The following KIF4A variants were observed in gnomAD, a reference collection of about 807,000 sequenced individuals.
KIF4A encodes chromosome-associated kinesin KIF4A.
A neutral mutation model predicts 105.9 loss-of-function variants in KIF4A; 7 were observed. The observed-to-expected ratio is 0.07, with a 90% CI of 0.04 to 0.12. The LOEUF (loss-of-function observed/expected upper bound fraction) is 0.12. Ranked by LOEUF, KIF4A falls within the 10% of genes least tolerant of loss-of-function variation. The pLI, the probability that KIF4A is intolerant of heterozygous loss-of-function variation, is 1.00. For synonymous variants in KIF4A, 281 were observed against 331.3 expected, an observed-to-expected ratio of 0.85 and a Z score of 1.65; for missense variants, 558 against 929.2, an observed-to-expected ratio of 0.60 and a Z score of 5.19.
At position 70,420,446 on chromosome X, in the gene KIF4A, A is replaced by T; in HGVS notation, c.*181A>T. The T allele has an allele frequency of 1.7e-6, 1 of 601,862 alleles. No homozygotes were observed. Among genetic ancestry groups the T allele is most frequent in the Non-Finnish European group, 2.5e-6 (1 of 397,080 alleles). 49.6% of individuals were successfully genotyped at this position (601,862 alleles called of 1,213,427 possible). A position where few individuals can be genotyped will look rare whatever the true frequency, so the allele number is the denominator to read the frequency against. On this transcript the variant is annotated 3_prime_UTR_variant, in exon 31 of 31. Transcript: ENST00000374403. The stretch of plus-strand genomic sequence containing the variant: ...TGTGGGCCTTAGCCTCCAGGTCCAG[A>T]CTACTACTCTATGTTCTCCAGAAGG...
intron 16 of KIF4A, among the ~76,000 whole-genome samples, chrX:70,374,511 C>G (rs2086167331): frequency 9.0e-6 from 1 of 111,699 alleles, no homozygotes; most frequent in Admixed American, 9.6e-5. Context: ...GTTAAGAGTT[C>G]AGAGGCGAGG....
chrX:70,406,148 C>A (rs1245698544), intron 26 of KIF4A, 111 bp from the exon 27 acceptor site: 11 of 613,206 alleles, frequency 1.8e-5, no homozygotes, highest in Non-Finnish European at 2.6e-5. Context: ...AATCCTGCAT[C>A]ACTTTACTAT....
intron 15 of KIF4A, among the ~76,000 whole-genome samples, chrX:70,363,565 G>A (rs1316496066): frequency 1.8e-5 from 2 of 111,359 alleles, no homozygotes; most frequent in Non-Finnish European, 3.8e-5. Context: ...CCCTACAAAG[G>A]ACATGAACTC....
chrX:70,361,539 A>G, intron 15 of KIF4A: 1 of 165,645 alleles, frequency 6.0e-6, no homozygotes, highest in Middle Eastern at 7.0e-4. Context: ...TGCAGCTTCC[A>G]GAACATCCTG....
chrX:70,322,654 A>G (rs1205240264), intron 7 of KIF4A, among the ~76,000 whole-genome samples: 1 of 107,241 alleles, frequency 9.3e-6, no homozygotes, highest in Non-Finnish European at 1.9e-5. Flanking sequence ...GCAGTGAATA[A>G]TATCAATATC....
chrX:70,300,851 G>A (rs1353155517), intron 5 of KIF4A, among the ~76,000 whole-genome samples: 2 of 111,863 alleles, frequency 1.8e-5, no homozygotes, highest in Non-Finnish European at 3.8e-5. Flanking sequence ...TTGTATCTTC[G>A]TTATCTAGCA....
chrX:70,340,630 A>G (rs190161924), intron 10 of KIF4A, among the ~76,000 whole-genome samples: 3 of 111,827 alleles, frequency 2.7e-5, no homozygotes, highest in Non-Finnish European at 5.7e-5. Context: ...AGTCTTAGTA[A>G]ATGCTCAACA....
chrX:70,297,227 G>A, intron 4 of KIF4A, 39 bp downstream of exon 4: 2 of 1,103,948 alleles, frequency 1.8e-6, no homozygotes, highest in South Asian at 4.1e-5. Context: ...ATTCGAAATT[G>A]TCTTTGGGTC....
chrX:70,325,833 A>G (rs149787823), intron 7 of KIF4A, among the ~76,000 whole-genome samples: 266 of 110,352 alleles, frequency 2.4e-3, no homozygotes, highest in African/African-American at 8.4e-3. Flanking sequence ...TCCATTAATA[A>G]TAACTTAAAT....
chrX:70,381,461 C>T lies in KIF4A; in HGVS notation c.2035-5157C>T, dbSNP rs924207737. On this transcript the variant is annotated intron_variant, in intron 18 of 30. Transcript: ENST00000374403. ...CTGAGGCAGGAGAATCACTTGAACC[C>T]GGGAGGTGGAGGTTGCAGTGAGTCA... is the stretch of plus-strand genomic sequence containing the variant. 2.6e-4 allele frequency among the ~76,000 whole-genome samples: 29 copies of T among 111,445 alleles called. 1 individual carries two copies. Among genetic ancestry groups the T allele is most frequent in the Admixed American group, 1.9e-3 (20 of 10,443 alleles).
intron 10 of KIF4A, among the ~76,000 whole-genome samples, chrX:70,335,387 A>C (rs866033736): frequency 8.9e-6 from 1 of 111,841 alleles, no homozygotes; most frequent in South Asian, 3.7e-4. Context: ...GGACTGGGGG[A>C]TAGGTGGGAA....
chrX:70,397,344 C>T (rs921292021), intron 22 of KIF4A, among the ~76,000 whole-genome samples: 2 of 110,209 alleles, frequency 1.8e-5, no homozygotes, highest in Middle Eastern at 4.7e-3. Flanking sequence ...CACTCCTGGG[C>T]GACAGAGTGA....
chrX:70,414,675 G>T (rs931347860), intron 28 of KIF4A, among the ~76,000 whole-genome samples: 7 of 112,151 alleles, frequency 6.2e-5, no homozygotes, highest in Non-Finnish European at 1.3e-4. Flanking sequence ...TACGTTCAGG[G>T]TTTGAACAGT....
At chrX:70,414,920 A>G (rs1474099858) in intron 28 of KIF4A, among the ~76,000 whole-genome samples, 1 of 111,918 alleles carries the variant, frequency 8.9e-6, no homozygotes, top group Non-Finnish European at 1.9e-5. Flanking sequence ...CTGTCTTTTC[A>G]AAGCCAAACT....
chrX:70,351,498 T>C (rs982685720), intron 13 of KIF4A, among the ~76,000 whole-genome samples: 1 of 111,911 alleles, frequency 8.9e-6, no homozygotes, highest in South Asian at 3.8e-4. Context: ...TTGAGTAGTG[T>C]TCCATGGTGT....
chrX:70,301,867 A>G, intron 5 of KIF4A, 33 bp from the exon 6 acceptor site: 1 of 1,197,170 alleles, frequency 8.4e-7, no homozygotes, highest in Non-Finnish European at 1.1e-6. Context: ...TGAAGTATAA[A>G]TCATAAGGGA....
chrX:70,367,898 T>TGC (rs2086111714), intron 15 of KIF4A, among the ~76,000 whole-genome samples: 2 of 112,119 alleles, frequency 1.8e-5, no homozygotes, highest in Non-Finnish European at 3.8e-5. Flanking sequence ...CAATCAGACA[T>TGC]AGATTTGGTC....
chrX:70,327,803 A>C (rs1195921095), intron 7 of KIF4A, among the ~76,000 whole-genome samples: 2 of 112,088 alleles, frequency 1.8e-5, no homozygotes, highest in Non-Finnish European at 3.8e-5. Flanking sequence ...ATTGTAGCCT[A>C]CAAATAAACA....
At chrX:70,394,686 A>G (rs1339897510) in intron 20 of KIF4A, among the ~76,000 whole-genome samples, 1 of 110,876 alleles carries the variant, frequency 9.0e-6, no homozygotes, top group Non-Finnish European at 1.9e-5. Flanking sequence ...CATTTTTATG[A>G]TTTATATTAT....
Sources: allele counts gnomAD v4.1 joint callset (sites outside exome capture counted in the v4.1 genomes callset), GRCh38; gene constraint gnomAD v4.1.1; transcripts MANE v1.5; gene names NCBI Gene and HGNC (gene_info 2026-07-23, HGNC 2026-07-21).